The following HTT variants were observed in gnomAD, a reference collection of about 807,000 sequenced individuals.
HTT encodes huntington disease protein.
HTT carries 104 observed loss-of-function variants against 362.3 expected under a neutral mutation model. The observed-to-expected ratio is 0.29, with a 90% CI of 0.24 to 0.34. HTT has a LOEUF of 0.34. Among genes scored for constraint, HTT ranks in the 10% least tolerant of loss-of-function variants. The pLI, the probability that HTT is intolerant of heterozygous loss-of-function variation, is 1.00. For synonymous variants in HTT, 1,577 were observed against 1,548.7 expected, an observed-to-expected ratio of 1.02 and a Z score of -0.43; for missense variants, 3,301 against 3,928.6, an observed-to-expected ratio of 0.84 and a Z score of 4.27.
intron 57 of HTT, 132 bp downstream of exon 57, chr4:3,225,875 T>A (rs1477289478): frequency 1.6e-5 from 10 of 638,650 alleles, no homozygotes; most frequent in Non-Finnish European, 1.9e-5. Flanking sequence ...TAAAAAAAAA[T>A]TTAATGTTCA....
intron 26 of HTT, among the ~76,000 whole-genome samples, chr4:3,149,744 C>G (rs1716786429): frequency 6.6e-6 from 1 of 152,218 alleles, no homozygotes. Context: ...GCAAACATCT[C>G]TGGAGAGTCC....
rs143311900 is a variant in HTT, at chr4:3,223,691, G to C, written c.7625+131G>C. The C allele has an allele frequency of 1.2e-4, 102 of 872,644 alleles. No homozygotes were observed. In the African/African-American group the frequency reaches 1.3e-3, roughly 11 times the overall value. 54.1% of individuals were successfully genotyped at this position (872,644 alleles called of 1,614,324 possible). On this transcript the variant is annotated intron_variant, in intron 55 of 66. Coordinates refer to ENST00000355072, the MANE Select transcript of HTT (RefSeq NM_001388492.1). ...CTAGAATTGAAAACACCGTCCGTGT[G>C]GCCTGTGCAGGAGATGCAGACCCAA...
At chr4:3,082,902 C>A (rs1712993695) in intron 1 of HTT, among the ~76,000 whole-genome samples, 1 of 152,000 alleles carries the variant, frequency 6.6e-6, no homozygotes, top group Non-Finnish European at 1.5e-5. Flanking sequence ...ATCTGAGCAG[C>A]CACTATGGAG....
chr4:3,091,530 T>C (rs1713509583), intron 2 of HTT, among the ~76,000 whole-genome samples: 1 of 152,218 alleles, frequency 6.6e-6, no homozygotes, highest in Non-Finnish European at 1.5e-5. Context: ...GGGAAAGTAT[T>C]GACAGCATAT....
chr4:3,110,499 C>T (rs1024795145), intron 6 of HTT, among the ~76,000 whole-genome samples: 7 of 152,276 alleles, frequency 4.6e-5, no homozygotes, highest in African/African-American at 1.4e-4. Context: ...GCAGTTCTCC[C>T]GTTGGATGCC....
chr4:3,229,916 G>C lies in HTT; in HGVS notation c.8139G>C (p.Glu2713Asp), dbSNP rs573475907. 5.0e-6 allele frequency: 8 copies of C among 1,614,202 alleles called. No individual in the cohort carries two copies. In the East Asian group the frequency reaches 1.8e-4, roughly 36 times the overall value. The change falls in exon 60 of 67, where the codon GAG becomes GAC. Residue 2713 changes from glutamate (E) to aspartate (D), a missense_variant. Glu to Asp is a conservative substitution (Grantham distance 45). Transcript: ENST00000355072. ...TAGTGGTCTCAGACTTGTTCACCGA[G>C]CGCAACCAGTTTGAGCTGATGTATG... ...SLLVVSDLFT[E>D]RNQFELMYVT...
intron 27 of HTT, among the ~76,000 whole-genome samples, chr4:3,156,244 T>A (rs150739657): frequency 1.3e-5 from 2 of 152,216 alleles, no homozygotes; most frequent in Non-Finnish European, 2.9e-5. Flanking sequence ...CTCAGCCTCC[T>A]GAGTAGCTGG....
chr4:3,079,946 A>G (rs935676365), intron 1 of HTT, among the ~76,000 whole-genome samples: 1 of 152,220 alleles, frequency 6.6e-6, no homozygotes, highest in African/African-American at 2.4e-5. Flanking sequence ...ATAACAATTT[A>G]GCAGTAGCTT....
chr4:3,223,913 G>T, intron 55 of HTT, 79 bp from the exon 56 acceptor site: 1 of 1,489,218 alleles, frequency 6.7e-7, no homozygotes, highest in Non-Finnish European at 9.3e-7. Flanking sequence ...TAGGCAAAGC[G>T]GAGGGAAAGT....
rs533554630 is a variant in HTT at position 3,150,832 on chromosome 4, C to T, written c.3498+2625C>T. On this transcript the variant is annotated intron_variant, in intron 26 of 66. Transcript: ENST00000355072. Reference sequence around the variant, plus strand: ...CCAGTGCATCACAAGGTCAGGAGATCGAGACCATTCCGGCTCACACGGTGA... The same window carrying T: ...CCAGTGCATCACAAGGTCAGGAGATTGAGACCATTCCGGCTCACACGGTGA... Among the ~76,000 whole-genome samples, 14 of 152,196 alleles carry T rather than the reference C, an allele frequency of 9.2e-5. No individual in the cohort carries two copies. In the South Asian group the frequency reaches 1.7e-3, roughly 18 times the overall value.
chr4:3,206,523 T>G lies in HTT; in HGVS notation c.5746T>G (p.Leu1916Val). ...VCQNLHDSEH[L>V]TWLIVNHIQD... The stretch of plus-strand genomic sequence containing the variant: ...TCAGAACCTCCATGACTCCGAGCAC[T>G]TAACGTGGCTCATTGTAAATCACAT... The change falls in exon 43 of 67, where the codon TTA becomes GTA. Residue 1916 changes from leucine (L) to valine (V), a missense_variant. By Grantham distance (32) the Leu-to-Val change is conservative. Around this residue, in one of 4 missense-constraint regions of HTT, gnomAD observed 2,316 missense variants for 2,658.5 expected, o/e 0.87. Transcript: ENST00000355072. This position sits in a 1 kb window ranked among gnomAD's most constrained non-coding sequence, Gnocchi z 4.6. 1 of 1,614,122 alleles carries G rather than the reference T, an allele frequency of 6.2e-7. No homozygotes were observed. Among genetic ancestry groups the G allele is most frequent in the Non-Finnish European group, 8.5e-7 (1 of 1,179,962 alleles).
At chr4:3,133,241 T>C (rs1260892438) in intron 18 of HTT, among the ~76,000 whole-genome samples, 1 of 151,790 alleles carries the variant, frequency 6.6e-6, no homozygotes, top group Non-Finnish European at 1.5e-5. Context: ...CTGACCACTT[T>C]GGGAGGCCAA....
At chr4:3,229,775 A>C in intron 59 of HTT, 112 bp from the exon 60 acceptor site, 1 of 1,137,214 alleles carries the variant, frequency 8.8e-7, no homozygotes, top group Non-Finnish European at 1.3e-6. Flanking sequence ...CCCGCACAGT[A>C]ATGTCTCTTG....
chr4:3,182,749 CA>C (rs1201958831), intron 37 of HTT, among the ~76,000 whole-genome samples: 3 of 152,210 alleles, frequency 2.0e-5, no homozygotes, highest in Non-Finnish European at 4.4e-5. Context: ...GAGGGCGGGC[CA>C]AGGCTAACTC....
At chr4:3,094,416 A>G (rs1409463678) in intron 2 of HTT, among the ~76,000 whole-genome samples, 2 of 152,084 alleles carry the variant, frequency 1.3e-5, no homozygotes. Flanking sequence ...GACTGTTCTC[A>G]ATGAGCTATT....
In HTT at chr4:3,206,679, C is replaced by T. The variant is rs756647994; in HGVS notation, c.5898+4C>T. The T allele has an allele frequency of 1.8e-5, 29 of 1,609,108 alleles. No homozygotes were observed. The highest frequency in any genetic ancestry group is 1.3e-4 in the East Asian group (6 of 44,744). On this transcript the variant is annotated splice_donor_region_variant and intron_variant, in intron 43 of 66. Coordinates refer to ENST00000355072, the MANE Select transcript of HTT (RefSeq NM_001388492.1). This position sits in a 1 kb window ranked among gnomAD's most constrained non-coding sequence, Gnocchi z 4.6. ...TCGTTGTGAAAACCTTTCAACTGTACGTCTTCATCCTGCCGACTATTGCCA... is the reference window on the plus strand; with the variant it reads ...TCGTTGTGAAAACCTTTCAACTGTATGTCTTCATCCTGCCGACTATTGCCA...
chr4:3,166,082 C>T (rs1016711196), intron 29 of HTT, among the ~76,000 whole-genome samples: 4 of 152,156 alleles, frequency 2.6e-5, no homozygotes, highest in Non-Finnish European at 5.9e-5. Context: ...TGGTGACCTA[C>T]GGATGGGGTT....
At chr4:3,205,215 T>G (rs1030184041) in intron 42 of HTT, among the ~76,000 whole-genome samples, 1 of 152,178 alleles carries the variant, frequency 6.6e-6, no homozygotes, top group Non-Finnish European at 1.5e-5. Context: ...TAACTTGCTG[T>G]TAGATTTTGG....
chr4:3,218,086 T>C lies in HTT; in HGVS notation c.7242+134T>C. ...TGCCTGCTGTGGTTCTGGTGCCCAC[T>C]GTGGTTCTGGTGCCAGGCTGCTTTC... On this transcript the variant is annotated intron_variant, in intron 52 of 66. Transcript: ENST00000355072. This position sits in a 1 kb window ranked among gnomAD's most constrained non-coding sequence, Gnocchi z 4.4. The C allele has an allele frequency of 1.4e-6, 1 of 734,420 alleles. No homozygotes were observed. The highest frequency in any genetic ancestry group is 1.8e-5 in the African/African-American group (1 of 56,408). The allele number at this position is 734,420 out of a possible 1,614,324, so 45.5% of individuals were successfully genotyped here.
Sources: allele counts gnomAD v4.1 joint callset (sites outside exome capture counted in the v4.1 genomes callset), GRCh38; gene constraint gnomAD v4.1.1; regional missense constraint gnomAD v4.1.1; non-coding constraint Gnocchi (gnomAD v3.1); transcripts MANE v1.5; gene names NCBI Gene and HGNC (gene_info 2026-07-23, HGNC 2026-07-21).